Variants in EGFLAM observed in about 807,000 individuals in gnomAD.
EGFLAM encodes pikachurin.
In EGFLAM, 79 loss-of-function variants were observed where a neutral mutation model predicts 113.1. The ratio of observed to expected loss-of-function variants is 0.70; its 90% CI spans 0.58 to 0.84. EGFLAM has a LOEUF of 0.84. Ranked by LOEUF, EGFLAM falls within the 40% of genes least tolerant of loss-of-function variation. The pLI, the probability that EGFLAM is intolerant of heterozygous loss-of-function variation, is 0.00. For missense variants in EGFLAM, 1,265 were observed against 1,291.6 expected (o/e 0.98, Z 0.32); for synonymous variants, 504 against 487.6 (o/e 1.03, Z -0.44).
At chr5:38,403,170 CGAGA>C (rs1554011838) in intron 6 of EGFLAM, 1 of 152,106 alleles carries the variant, frequency 6.6e-6, no homozygotes, top group Non-Finnish European at 1.5e-5. Flanking sequence ...AGAGAGGGGC[CGAGA>C]GAGATAGATA....
chr5:38,442,281 T>G (rs1489638954), intron 17 of EGFLAM, among the ~76,000 whole-genome samples: 1 of 148,826 alleles, frequency 6.7e-6, no homozygotes, highest in Non-Finnish European at 1.5e-5. Context: ...TGTTATGTCA[T>G]TTATTATATT....
chr5:38,422,637 A>G (rs540182336), intron 12 of EGFLAM, among the ~76,000 whole-genome samples: 1 of 152,366 alleles, frequency 6.6e-6, no homozygotes, highest in East Asian at 1.9e-4. Context: ...TTTATAAAGC[A>G]TATTAAGAAC....
intron 5 of EGFLAM, among the ~76,000 whole-genome samples, chr5:38,358,978 T>C (rs1337459958): frequency 6.6e-6 from 1 of 152,194 alleles, no homozygotes; most frequent in Admixed American, 6.5e-5. Context: ...AAAAATTTCT[T>C]TGGGGGCAGC....
At chr5:38,445,621 T>A (rs1742682061) in intron 17 of EGFLAM, 1 of 1,598,436 alleles carries the variant, frequency 6.3e-7, no homozygotes, top group East Asian at 2.2e-5. Flanking sequence ...AATTGGGATT[T>A]GACAAGGACT....
chr5:38,292,779 G>T (rs960002749), intron 1 of EGFLAM, among the ~76,000 whole-genome samples: 2 of 152,298 alleles, frequency 1.3e-5, no homozygotes, highest in East Asian at 3.9e-4. Flanking sequence ...TTCTGGAGGA[G>T]TTAAATTTTG....
rs572912205 is a variant in EGFLAM, at chr5:38,435,692, T to C, written c.2283+439T>C. ...CATCCCCACCCCTACACTTTAGCAG[T>C]TGGTGTTCATTGATCATGTAACCAA... On this transcript the variant is annotated intron_variant, in intron 16 of 21. Coordinates refer to ENST00000322350, the MANE Select transcript of EGFLAM (RefSeq NM_152403.4). Among the ~76,000 whole-genome samples the C allele has an allele frequency of 2.4e-4, 36 of 152,202 alleles. No homozygotes were observed. The South Asian group carries it at 6.6e-3, about 28-fold the overall frequency.
At chr5:38,269,683 G>T (rs1264200788) in intron 1 of EGFLAM, among the ~76,000 whole-genome samples, 1 of 152,000 alleles carries the variant, frequency 6.6e-6, no homozygotes. Context: ...TAGAGACGGG[G>T]TTTCACTGTG....
chr5:38,347,181 A>G (rs1047886454), intron 3 of EGFLAM, among the ~76,000 whole-genome samples: 2 of 152,198 alleles, frequency 1.3e-5, no homozygotes, highest in Non-Finnish European at 2.9e-5. Flanking sequence ...TGCAGGGCTC[A>G]GTAGTATCGG....
At chr5:38,312,062 G>A (rs1376504704) in intron 1 of EGFLAM, among the ~76,000 whole-genome samples, 2 of 152,012 alleles carry the variant, frequency 1.3e-5, no homozygotes, top group Admixed American at 6.6e-5. Flanking sequence ...TTTATAATGC[G>A]GTATAATAAT....
Position 38,407,142 on chromosome 5 carries a change from A to G in EGFLAM, c.1143A>G (p.Ser381=). Residue 381 remains serine (S), a synonymous_variant, in exon 8 of 22, where the codon TCA becomes TCG. Coordinates refer to ENST00000322350, the MANE Select transcript of EGFLAM (RefSeq NM_152403.4). The part of the protein sequence containing the change: ...CTLGKGGESC[S]EDIVIQYPQF... ...TGGGCAAAGGTGGTGAGAGCTGCTC[A>G]GAAGGTAGGCCCTTGGGGGAGAGGA... 6.2e-7 allele frequency: 1 copy of G among 1,606,670 alleles called. No individual in the cohort carries two copies. The highest frequency in any genetic ancestry group is 8.5e-7 in the Non-Finnish European group (1 of 1,179,292).
At chr5:38,419,475 T>C (rs1349808804) in intron 12 of EGFLAM, among the ~76,000 whole-genome samples, 3 of 152,204 alleles carry the variant, frequency 2.0e-5, no homozygotes, top group Non-Finnish European at 4.4e-5. Context: ...GTGAACAGCA[T>C]AGTCTCACTG....
intron 15 of EGFLAM, among the ~76,000 whole-genome samples, chr5:38,434,384 C>G (rs1260323866): frequency 2.0e-5 from 3 of 152,218 alleles, no homozygotes; most frequent in Non-Finnish European, 4.4e-5. Context: ...CGCATAAACC[C>G]CTGCAGGGCA....
rs778448165 is a variant in EGFLAM at position 38,463,914 on chromosome 5, C to T, written c.2958C>T (p.Ser986=). 6.2e-7 allele frequency: 1 copy of T among 1,614,232 alleles called. No homozygotes were observed. The highest frequency in any genetic ancestry group is 8.5e-7 in the Non-Finnish European group (1 of 1,180,034). Residue 986 remains serine, a synonymous_variant, in exon 22 of 22, where the codon TCC becomes TCT. Coordinates refer to ENST00000322350, the MANE Select transcript of EGFLAM (RefSeq NM_152403.4). ...LVGCISHFTL[S]TDYHISLVED... ...GCTGTATCTCTCACTTCACCCTGTC[C>T]ACCGATTACCACATTTCCCTCGTGG...
intron 17 of EGFLAM, among the ~76,000 whole-genome samples, chr5:38,445,998 C>A (rs1418103272): frequency 6.6e-6 from 1 of 152,164 alleles, no homozygotes; most frequent in Non-Finnish European, 1.5e-5. Flanking sequence ...GGCCACAGGC[C>A]CACCGCCACG....
intron 19 of EGFLAM, among the ~76,000 whole-genome samples, chr5:38,453,312 T>C (rs538929983): frequency 4.6e-5 from 7 of 152,178 alleles, no homozygotes; most frequent in Non-Finnish European, 1.0e-4. Context: ...TGAATTGAAA[T>C]AGACAAAGCA....
Position 38,290,131 on chromosome 5 carries a change from G to A in EGFLAM, c.97+31280G>A, listed in dbSNP as rs144413699. Among the ~76,000 whole-genome samples the A allele has an allele frequency of 9.4e-3, 1,436 of 152,250 alleles. 24 individuals are homozygous for A. The highest frequency in any genetic ancestry group is 0.03 in the African/African-American group (1,263 of 41,532). On this transcript the variant is annotated intron_variant, in intron 1 of 21. Transcript: ENST00000322350. ...AAGACTTGGGTGCCAGGAAGCCCAAGGAAGGGTCGGGGTAGAGGGTCAGTA... is the reference window on the plus strand; with the variant it reads ...AAGACTTGGGTGCCAGGAAGCCCAAAGAAGGGTCGGGGTAGAGGGTCAGTA...
chr5:38,403,664 T>C, intron 6 of EGFLAM: 2 of 1,097,400 alleles, frequency 1.8e-6, no homozygotes, highest in Non-Finnish European at 1.3e-6. Flanking sequence ...ATCGTGCTAC[T>C]CAGAACTTAT....
chr5:38,407,153 C>T lies in EGFLAM; in HGVS notation c.1147+7C>T. ...GGTGAGAGCTGCTCAGAAGGTAGGC[C>T]CTTGGGGGAGAGGAAGAAGTGGTGA... On this transcript the variant is annotated splice_region_variant and intron_variant, in intron 8 of 21. Coordinates refer to ENST00000322350, the MANE Select transcript of EGFLAM (RefSeq NM_152403.4). The T allele has an allele frequency of 1.3e-6, 2 of 1,584,876 alleles. No homozygotes were observed. Among genetic ancestry groups the T allele is most frequent in the Non-Finnish European group, 1.7e-6 (2 of 1,174,194 alleles).
chr5:38,438,456 G>T lies in EGFLAM; in HGVS notation c.2464+1G>T, dbSNP rs1018516069. 3.1e-6 allele frequency: 5 copies of T among 1,605,344 alleles called. No individual in the cohort carries two copies. Among genetic ancestry groups the T allele is most frequent in the East Asian group, 4.5e-5 (2 of 44,664 alleles). ...TTTGAGGGGCTTCACTGCCAGAAAG[G>T]TACGCTCAGGGGTCTGAGGCACAGC... On this transcript the variant is annotated splice_donor_variant, in intron 17 of 21. Coordinates refer to ENST00000322350, the MANE Select transcript of EGFLAM (RefSeq NM_152403.4). LOFTEE classifies it high-confidence loss of function.
Sources: gnomAD v4.1 joint callset for allele counts (sites outside exome capture counted in the v4.1 genomes callset) on GRCh38, gnomAD v4.1.1 for gene constraint, MANE v1.5 for transcripts, NCBI Gene and HGNC (gene_info 2026-07-23, HGNC 2026-07-21) for gene names.